Variants in TMEM132C observed in about 807,000 individuals in gnomAD.
TMEM132C encodes the protein transmembrane protein 132C, also known as protein phosphatase 1, regulatory subunit 152.
TMEM132C carries 29 observed loss-of-function variants against 61.4 expected under a neutral mutation model. The ratio of observed to expected loss-of-function variants is 0.47; its 90% confidence interval spans 0.35 to 0.64. The LOEUF (loss-of-function observed/expected upper bound fraction) is 0.64. Among genes scored for constraint, TMEM132C ranks in the 30% least tolerant of loss-of-function variants. The pLI, the probability that TMEM132C is intolerant of heterozygous loss-of-function variation, is 0.00. For missense variants in TMEM132C, 1,408 were observed against 1,476.9 expected (o/e 0.95, Z 0.76); for synonymous variants, 656 against 633.1 (o/e 1.04, Z -0.54).
chr12:128,399,679 T>G (rs1875083885), intron 1 of TMEM132C, among the ~76,000 whole-genome samples: 1 of 152,100 alleles, frequency 6.6e-6, no homozygotes, highest in Non-Finnish European at 1.5e-5. Flanking sequence ...GAAACATGAC[T>G]CGGAAAGACT....
At chr12:128,516,242 CAGTG>C (rs200914490) in intron 2 of TMEM132C, among the ~76,000 whole-genome samples, 2,211 of 152,270 alleles carry the variant, frequency 0.015, 44 homozygotes, top group African/African-American at 0.05. Context: ...ACACGAGACA[CAGTG>C]AGAGTGCCCA....
rs151264345 is a variant in TMEM132C at position 128,579,110 on chromosome 12, A to G, written c.1121+35007A>G. On this transcript the variant is annotated intron_variant, in intron 3 of 8. Transcript: ENST00000435159. ...ATGCTGCCAAGGAAAACGAAGCTCC[A>G]TTCGTGGAGTGGCCAGTGGCGCCAT... 1.6e-3 allele frequency among the ~76,000 whole-genome samples: 249 copies of G among 152,312 alleles called. 1 individual carries two copies. The highest frequency in any genetic ancestry group is 5.7e-3 in the African/African-American group (235 of 41,572).
intron 1 of TMEM132C, among the ~76,000 whole-genome samples, chr12:128,298,491 A>C (rs1439911402): frequency 2.0e-5 from 3 of 152,090 alleles, no homozygotes; most frequent in Non-Finnish European, 2.9e-5. Flanking sequence ...CCCTTCACCC[A>C]GCTCTCCCTG....
At chr12:128,528,241 C>T (rs867410595) in intron 2 of TMEM132C, among the ~76,000 whole-genome samples, 9 of 152,272 alleles carry the variant, frequency 5.9e-5, no homozygotes, top group Middle Eastern at 6.8e-3. Flanking sequence ...GTCTCATCTG[C>T]GGAATTTTGT....
intron 1 of TMEM132C, among the ~76,000 whole-genome samples, chr12:128,387,902 C>T (rs996072028): frequency 1.3e-5 from 2 of 152,234 alleles, no homozygotes; most frequent in African/African-American, 4.8e-5. Context: ...GTCGCCCTGC[C>T]TGGCTCCAGG....
chr12:128,294,630 A>C (rs1261519414), intron 1 of TMEM132C, among the ~76,000 whole-genome samples: 1 of 152,216 alleles, frequency 6.6e-6, no homozygotes, highest in Non-Finnish European at 1.5e-5. Context: ...ATCCAAGATC[A>C]GGACACCAGC....
intron 2 of TMEM132C, among the ~76,000 whole-genome samples, chr12:128,426,333 T>A: frequency 6.6e-6 from 1 of 152,224 alleles, no homozygotes; most frequent in East Asian, 1.9e-4. Context: ...TCCACATACC[T>A]GGCTTGCCCT....
chr12:128,452,326 C>T (rs1870199550), intron 2 of TMEM132C, among the ~76,000 whole-genome samples: 3 of 151,852 alleles, frequency 2.0e-5, no homozygotes, highest in Non-Finnish European at 4.4e-5. Context: ...TATAGAAAGC[C>T]TGGACTCAAG....
chr12:128,503,623 G>A (rs1248966470), intron 2 of TMEM132C, among the ~76,000 whole-genome samples: 4 of 152,210 alleles, frequency 2.6e-5, no homozygotes, highest in African/African-American at 9.6e-5. Context: ...TAATGCTTAT[G>A]GGATAGTTAC....
At chr12:128,603,161 A>C (rs1876264240) in intron 3 of TMEM132C, among the ~76,000 whole-genome samples, 1 of 152,044 alleles carries the variant, frequency 6.6e-6, no homozygotes. Context: ...AGAGTGAAAA[A>C]AGCAGCTAGA....
At chr12:128,511,699 G>C (rs1872571723) in intron 2 of TMEM132C, among the ~76,000 whole-genome samples, 1 of 152,182 alleles carries the variant, frequency 6.6e-6, no homozygotes, top group Non-Finnish European at 1.5e-5. Context: ...CCTAAGTGTG[G>C]TGGATATTCT....
chr12:128,681,817 ATTTTTTTTTTTT>A (rs35154554), intron 5 of TMEM132C, among the ~76,000 whole-genome samples: 6 of 86,478 alleles, frequency 6.9e-5, no homozygotes, highest in Admixed American at 6.3e-4. Context: ...CCACGCCTGG[ATTTTTTTTTTTT>A]TTTTTTTTTT....
chr12:128,557,325 G>A (rs1280394589), intron 3 of TMEM132C, among the ~76,000 whole-genome samples: 1 of 152,156 alleles, frequency 6.6e-6, no homozygotes, highest in African/African-American at 2.4e-5. Flanking sequence ...AGTCAAAACT[G>A]AAAATGTATG....
chr12:128,703,142 T>A (rs936469875), intron 8 of TMEM132C, among the ~76,000 whole-genome samples: 2 of 152,220 alleles, frequency 1.3e-5, no homozygotes, highest in Non-Finnish European at 2.9e-5. Flanking sequence ...TTCTTTTTTT[T>A]ATTTTTTTAA....
chr12:128,675,592 A>G (rs116189306), intron 5 of TMEM132C, among the ~76,000 whole-genome samples: 1,916 of 152,100 alleles, frequency 0.013, 47 homozygotes, highest in African/African-American at 0.044. Context: ...ATATTTACCC[A>G]TTTGCTTTTT....
chr12:128,622,412 A>C (rs1953977707), intron 4 of TMEM132C, among the ~76,000 whole-genome samples: 1 of 133,332 alleles, frequency 7.5e-6, no homozygotes, highest in Admixed American at 7.8e-5. Flanking sequence ...ACCAGGAAAC[A>C]TTCCCAGGGT....
At chr12:128,510,547 C>T (rs1460160802) in intron 2 of TMEM132C, among the ~76,000 whole-genome samples, 1 of 152,168 alleles carries the variant, frequency 6.6e-6, no homozygotes, top group Non-Finnish European at 1.5e-5. Flanking sequence ...TTTGTAAATT[C>T]TGGTAGCCTG....
At chr12:128,344,226 A>C (rs1261358110) in intron 1 of TMEM132C, among the ~76,000 whole-genome samples, 2 of 152,136 alleles carry the variant, frequency 1.3e-5, no homozygotes, top group East Asian at 1.9e-4. Flanking sequence ...GGCGCAATCT[A>C]GGCTCACGGC....
At chr12:128,325,596 C>T in intron 1 of TMEM132C, among the ~76,000 whole-genome samples, 1 of 152,110 alleles carries the variant, frequency 6.6e-6, no homozygotes, top group East Asian at 1.9e-4. Flanking sequence ...GCAGTTTATA[C>T]ATACTTGTCT....
Sources: gnomAD v4.1 joint callset for allele counts (sites outside exome capture counted in the v4.1 genomes callset) on GRCh38, gnomAD v4.1.1 for gene constraint, MANE v1.5 for transcripts, NCBI Gene and HGNC (gene_info 2026-07-23, HGNC 2026-07-21) for gene names.